The following EIF5B variants were observed in gnomAD, a reference collection of about 807,000 sequenced individuals.
The protein encoded by EIF5B is eukaryotic translation initiation factor 5B, also known as eIF-5B.
A neutral mutation model predicts 147.5 loss-of-function variants in EIF5B; 47 were observed. The ratio of observed to expected loss-of-function variants is 0.32; its 90% CI spans 0.25 to 0.41. The LOEUF is 0.41. EIF5B is among the 10% of genes least tolerant of loss of function. The probability of loss-of-function intolerance (pLI) is 1.00; values close to 1 mark genes in which losing one functional copy is unlikely to be tolerated. For synonymous variants in EIF5B, 455 were observed against 456.2 expected, an observed-to-expected ratio of 1.00 and a Z score of 0.03; for missense variants, 1,064 against 1,413.2, an observed-to-expected ratio of 0.75 and a Z score of 3.96.
intron 6 of EIF5B, among the ~76,000 whole-genome samples, chr2:99,367,640 A>G (rs1161833627): frequency 6.6e-6 from 1 of 151,960 alleles, no homozygotes; most frequent in Non-Finnish European, 1.5e-5. Flanking sequence ...TTTTTAGTAG[A>G]GATGGGGTTT....
chr2:99,376,519 A>G lies in EIF5B; in HGVS notation c.1725A>G (p.Ser575=), dbSNP rs1293506886. Residue 575 remains serine, a synonymous_variant, in exon 10 of 24, where the codon TCA becomes TCG. Coordinates refer to ENST00000289371, the MANE Select transcript of EIF5B (RefSeq NM_015904.4). ...EDEKVSDEKD[S]GKTLDKKPSK... is the part of the protein sequence containing the mutation. ...AAAAGGTGTCAGATGAGAAGGATTCAGGGAAGACATTAGATAAAAAGCCAA... is the reference window on the plus strand; with the variant it reads ...AAAAGGTGTCAGATGAGAAGGATTCGGGGAAGACATTAGATAAAAAGCCAA... The G allele has an allele frequency of 6.2e-7, 1 of 1,614,088 alleles. No homozygotes were observed. Among genetic ancestry groups the G allele is most frequent in the Non-Finnish European group, 8.5e-7 (1 of 1,179,992 alleles).
intron 6 of EIF5B, among the ~76,000 whole-genome samples, chr2:99,367,440 T>TC (rs1477162958): frequency 6.6e-6 from 1 of 151,034 alleles, no homozygotes. Context: ...TCTTTTTTTT[T>TC]TTTTCTCTCT....
At chr2:99,384,175 T>C (rs915972097) in intron 14 of EIF5B, among the ~76,000 whole-genome samples, 1 of 107,500 alleles carries the variant, frequency 9.3e-6, no homozygotes, top group East Asian at 2.3e-4. Flanking sequence ...CCAGCCTGGG[T>C]GACAGAGCGA....
At chr2:99,347,633 C>G (rs2094276098) in intron 1 of EIF5B, among the ~76,000 whole-genome samples, 1 of 151,750 alleles carries the variant, frequency 6.6e-6, no homozygotes, top group Admixed American at 6.6e-5. Flanking sequence ...GAATGTATTG[C>G]CTCTTACAAT....
intron 14 of EIF5B, among the ~76,000 whole-genome samples, chr2:99,388,942 A>G (rs1294836926): frequency 6.6e-6 from 1 of 152,210 alleles, no homozygotes; most frequent in East Asian, 1.9e-4. Context: ...TAAGCATTTA[A>G]AAGTGTTAAT....
At chr2:99,371,983 G>T (rs971511021) in intron 9 of EIF5B, among the ~76,000 whole-genome samples, 3 of 91,626 alleles carry the variant, frequency 3.3e-5, no homozygotes, top group African/African-American at 5.6e-5. Flanking sequence ...TCAGAGTGAT[G>T]ATGTTACAAA....
At chr2:99,379,184 A>G (rs1031879704) in intron 11 of EIF5B, 58 bp downstream of exon 11, 2 of 1,449,942 alleles carry the variant, frequency 1.4e-6, no homozygotes, top group Non-Finnish European at 1.9e-6. Context: ...GGTACCTTAT[A>G]AAAAAAAACT....
At chr2:99,362,755 A>T (rs1324584448) in intron 4 of EIF5B, among the ~76,000 whole-genome samples, 1 of 151,952 alleles carries the variant, frequency 6.6e-6, no homozygotes, top group African/African-American at 2.4e-5. Context: ...TAATGGGAAA[A>T]TTGACACAAC....
intron 14 of EIF5B, among the ~76,000 whole-genome samples, chr2:99,385,270 TC>T (rs1674777474): frequency 2.0e-5 from 3 of 152,220 alleles, no homozygotes; most frequent in Non-Finnish European, 2.9e-5. Flanking sequence ...GTCTTGAACT[TC>T]CGAGCTCAGG....
rs139016103 is a variant in EIF5B at position 99,350,129 on chromosome 2, T to C, written c.36-10107T>C. ...GTCACAAAATGACAGGATTTCATTC[T>C]TTTTTATGGATGAATAGTATTCACA... On this transcript the variant is annotated intron_variant, in intron 1 of 23. Coordinates refer to ENST00000289371, the MANE Select transcript of EIF5B (RefSeq NM_015904.4). 8.9e-4 allele frequency among the ~76,000 whole-genome samples: 135 copies of C among 152,348 alleles called. No homozygotes were observed. In the East Asian group the frequency reaches 9.2e-3, roughly 10 times the overall value.
intron 17 of EIF5B, among the ~76,000 whole-genome samples, chr2:99,391,899 T>C (rs981983396): frequency 5.9e-5 from 9 of 151,942 alleles, no homozygotes; most frequent in Non-Finnish European, 1.3e-4. Context: ...ACCTGGCTAA[T>C]TTGTTTACAG....
At chr2:99,362,000 A>G (rs1001589631) in intron 4 of EIF5B, among the ~76,000 whole-genome samples, 180 bp downstream of exon 4, 3 of 152,260 alleles carry the variant, frequency 2.0e-5, no homozygotes, top group Non-Finnish European at 2.9e-5. Flanking sequence ...AATTCTTTAC[A>G]TATATAGTAT....
chr2:99,371,410 C>T (rs933842350), intron 8 of EIF5B, among the ~76,000 whole-genome samples: 1 of 151,318 alleles, frequency 6.6e-6, no homozygotes, highest in African/African-American at 2.4e-5. Flanking sequence ...ATGGCGTGAA[C>T]CCGGAAGGCG....
intron 9 of EIF5B, among the ~76,000 whole-genome samples, chr2:99,372,488 G>A (rs565855963): frequency 7.9e-5 from 12 of 152,068 alleles, no homozygotes; most frequent in African/African-American, 1.7e-4. Flanking sequence ...ACAGGCATGC[G>A]CCACCACGCC....
intron 9 of EIF5B, among the ~76,000 whole-genome samples, chr2:99,376,008 G>T (rs1674558330): frequency 6.6e-6 from 1 of 152,172 alleles, no homozygotes; most frequent in African/African-American, 2.4e-5. Context: ...AAACAGTTCT[G>T]GTCCAGGCAT....
At chr2:99,398,706 T>C in intron 22 of EIF5B, 42 bp from the exon 23 acceptor site, 2 of 1,572,626 alleles carry the variant, frequency 1.3e-6, no homozygotes, top group Non-Finnish European at 1.7e-6. Context: ...GTGATTGGCA[T>C]GAATTCTTCT....
chr2:99,350,494 T>A (rs1481264201), intron 1 of EIF5B, among the ~76,000 whole-genome samples: 1 of 152,212 alleles, frequency 6.6e-6, no homozygotes, highest in African/African-American at 2.4e-5. Flanking sequence ...TATCTCATTG[T>A]GGTTTTGATT....
At chr2:99,363,531 G>C (rs985688638) in intron 4 of EIF5B, 114 bp from the exon 5 acceptor site, 3 of 1,029,814 alleles carry the variant, frequency 2.9e-6, no homozygotes, top group Admixed American at 4.7e-5. Flanking sequence ...TTAGCCTGCT[G>C]CTGGCATCGG....
At chr2:99,341,661 T>C (rs1574915528) in intron 1 of EIF5B, among the ~76,000 whole-genome samples, 1 of 152,208 alleles carries the variant, frequency 6.6e-6, no homozygotes, top group African/African-American at 2.4e-5. Flanking sequence ...CACAAAAGGC[T>C]TCTGTGTATG....
Sources: gnomAD v4.1 joint callset for allele counts (sites outside exome capture counted in the v4.1 genomes callset) on GRCh38, gnomAD v4.1.1 for gene constraint, MANE v1.5 for transcripts, NCBI Gene and HGNC (gene_info 2026-07-23, HGNC 2026-07-21) for gene names.